RGS9: variants seen among roughly 807,000 people sequenced by gnomAD.
RGS9 encodes regulator of G-protein signalling 9.
A neutral mutation model predicts 102.0 loss-of-function variants in RGS9; 78 were observed. The ratio of observed to expected loss-of-function variants is 0.76; its 90% CI spans 0.64 to 0.92. The LOEUF is 0.92. RGS9 is among the 40% of genes least tolerant of loss of function. RGS9 has a pLI of 0.00. For missense variants in RGS9, 833 were observed against 866.1 expected (o/e 0.96, Z 0.48); for synonymous variants, 353 against 318.6 (o/e 1.11, Z -1.15).
At chr17:65,183,053 T>G (rs1911946868) in intron 9 of RGS9, among the ~76,000 whole-genome samples, 1 of 150,122 alleles carries the variant, frequency 6.7e-6, no homozygotes, top group Admixed American at 6.7e-5. Context: ...ACCCCCTTAA[T>G]TTTTTTAAAT....
At chr17:65,198,648 A>G (rs1162176937) in intron 13 of RGS9, among the ~76,000 whole-genome samples, 1 of 152,226 alleles carries the variant, frequency 6.6e-6, no homozygotes, top group Non-Finnish European at 1.5e-5. Flanking sequence ...CACCACCTTC[A>G]TTGAAATATT....
intron 10 of RGS9, 59 bp downstream of exon 10, chr17:65,189,374 T>C (rs1912270856): frequency 7.8e-7 from 1 of 1,280,926 alleles, no homozygotes; most frequent in Admixed American, 1.7e-5. Flanking sequence ...AGGTTATATG[T>C]ACTTTGTTTT....
intron 1 of RGS9, among the ~76,000 whole-genome samples, chr17:65,143,940 A>G (rs1354241265): frequency 6.6e-6 from 1 of 151,706 alleles, no homozygotes; most frequent in East Asian, 1.9e-4. Context: ...CAGCCTGAAA[A>G]AAAAAAAAAA....
chr17:65,183,062 ATCT>A (rs1442705186), intron 9 of RGS9, among the ~76,000 whole-genome samples: 13 of 13,130 alleles, frequency 9.9e-4, no homozygotes, highest in African/African-American at 2.0e-3. Flanking sequence ...ATTTTTTTAA[ATCT>A]ATCTATCTAT....
intron 13 of RGS9, among the ~76,000 whole-genome samples, chr17:65,201,766 T>C (rs1912857147): frequency 6.6e-6 from 1 of 152,160 alleles, no homozygotes; most frequent in South Asian, 2.1e-4. Context: ...AATTACTAAG[T>C]TCCCAATGTT....
chr17:65,160,686 C>A, intron 5 of RGS9, 99 bp downstream of exon 5: 1 of 1,462,240 alleles, frequency 6.8e-7, no homozygotes, highest in Non-Finnish European at 9.5e-7. Context: ...TCATCATGAC[C>A]TTTCTGTCAG....
intron 17 of RGS9, among the ~76,000 whole-genome samples, chr17:65,223,873 C>T (rs1034676300): frequency 6.6e-6 from 1 of 151,992 alleles, no homozygotes; most frequent in Non-Finnish European, 1.5e-5. Flanking sequence ...GCCTCAGCCT[C>T]CTGAGTAGCT....
intron 2 of RGS9, 136 bp from the exon 3 acceptor site, chr17:65,158,159 G>A: frequency 1.2e-6 from 1 of 813,478 alleles, no homozygotes; most frequent in Non-Finnish European, 2.2e-6. Context: ...GATGAGGTGG[G>A]GGTTTCTGAA....
intron 9 of RGS9, among the ~76,000 whole-genome samples, chr17:65,185,015 C>T (rs1292174334): frequency 6.6e-6 from 1 of 152,068 alleles, no homozygotes; most frequent in Admixed American, 6.6e-5. Flanking sequence ...GGACCACAGG[C>T]ATGTACCACC....
At chr17:65,154,572 C>A (rs993349896) in intron 2 of RGS9, among the ~76,000 whole-genome samples, 1 of 150,594 alleles carries the variant, frequency 6.6e-6, no homozygotes, top group Non-Finnish European at 1.5e-5. Flanking sequence ...TTTGCTCCAC[C>A]GTTTACCTTC....
intron 1 of RGS9, among the ~76,000 whole-genome samples, chr17:65,145,931 C>T (rs530356690): frequency 7.2e-5 from 11 of 152,232 alleles, no homozygotes; most frequent in African/African-American, 2.6e-4. Flanking sequence ...CCGAGGTCCA[C>T]GTGACGTTCC....
At chr17:65,224,854 C>A (rs1277470291) in intron 17 of RGS9, 148 bp from the exon 18 acceptor site, 2 of 1,079,092 alleles carry the variant, frequency 1.9e-6, no homozygotes, top group East Asian at 2.4e-5. Flanking sequence ...TAGCTTTGGA[C>A]ACCGTTCCCA....
At chr17:65,197,895 T>TCCTGACCTCAGGTGATCTGCCCTCCC (rs1190108098) in intron 13 of RGS9, among the ~76,000 whole-genome samples, 1 of 152,150 alleles carries the variant, frequency 6.6e-6, no homozygotes, top group African/African-American at 2.4e-5. Context: ...GGTCTGAAAC[T>TCCTGACCTCAGGTGATCTGCCCTCCC]CCTGACCTCA....
intron 1 of RGS9, among the ~76,000 whole-genome samples, chr17:65,152,431 A>T (rs1294670314): frequency 6.6e-6 from 1 of 152,256 alleles, no homozygotes; most frequent in Non-Finnish European, 1.5e-5. Flanking sequence ...TGGAACAGCC[A>T]CGCAGAAGAG....
chr17:65,187,430 C>T (rs959786128), intron 9 of RGS9, among the ~76,000 whole-genome samples: 3 of 152,042 alleles, frequency 2.0e-5, no homozygotes, highest in African/African-American at 7.2e-5. Flanking sequence ...TTCCTAATCC[C>T]CTATGCAGGA....
intron 11 of RGS9, among the ~76,000 whole-genome samples, chr17:65,193,179 G>A (rs1275847764): frequency 6.6e-6 from 1 of 150,778 alleles, no homozygotes; most frequent in Non-Finnish European, 1.5e-5. Flanking sequence ...GCTGAGGTGG[G>A]AGGATTGCTT....
intron 17 of RGS9, among the ~76,000 whole-genome samples, chr17:65,213,742 G>A (rs757934006): frequency 6.6e-5 from 10 of 152,072 alleles, no homozygotes; most frequent in African/African-American, 7.2e-5. Flanking sequence ...AGGCTCATAC[G>A]GGGACTCCTT....
At chr17:65,205,483 TA>T (rs138121247) in intron 15 of RGS9, among the ~76,000 whole-genome samples, 5,677 of 152,230 alleles carry the variant, frequency 0.037, 145 homozygotes, top group African/African-American at 0.067. Context: ...TGATATAGCT[TA>T]TATGAGATAG....
chr17:65,143,971 C>T (rs1356787552), intron 1 of RGS9, among the ~76,000 whole-genome samples: 2 of 150,324 alleles, frequency 1.3e-5, no homozygotes, highest in African/African-American at 4.9e-5. Flanking sequence ...GCAGATTCAA[C>T]AAAAGTTGGC....
Sources: gnomAD v4.1 joint callset for allele counts (sites outside exome capture counted in the v4.1 genomes callset) on GRCh38, gnomAD v4.1.1 for gene constraint, MANE v1.5 for transcripts, NCBI Gene and HGNC (gene_info 2026-07-23, HGNC 2026-07-21) for gene names.